COL24A1: variants seen among roughly 807,000 people sequenced by gnomAD.
COL24A1 encodes the protein collagen alpha-1(XXIV) chain.
In COL24A1, 224 loss-of-function variants were observed where a neutral mutation model predicts 253.9. The observed-to-expected ratio is 0.88, with a 90% CI of 0.79 to 0.99. The LOEUF (loss-of-function observed/expected upper bound fraction) is 0.99, where lower values mean the gene tolerates loss of function less well. Ranked by LOEUF, COL24A1 falls within the 50% of genes least tolerant of loss-of-function variation. The pLI, the probability that COL24A1 is intolerant of heterozygous loss-of-function variation, is 0.00. For missense variants in COL24A1, 2,131 were observed against 2,068.5 expected (o/e 1.03, Z -0.59); for synonymous variants, 685 against 673.7 (o/e 1.02, Z -0.26).
intron 59 of COL24A1, among the ~76,000 whole-genome samples, chr1:85,734,470 T>C (rs1340815037): frequency 1.3e-5 from 2 of 152,234 alleles, no homozygotes; most frequent in African/African-American, 4.8e-5. Flanking sequence ...CATCCTGGTA[T>C]AATTATTTCA....
intron 3 of COL24A1, among the ~76,000 whole-genome samples, chr1:86,119,622 A>G (rs1355628215): frequency 6.6e-6 from 1 of 152,174 alleles, no homozygotes; most frequent in African/African-American, 2.4e-5. Context: ...TGGGTAGAAG[A>G]CAAAACAAAT....
At chr1:86,088,962 G>A (rs1353216927) in intron 7 of COL24A1, among the ~76,000 whole-genome samples, 5 of 151,798 alleles carry the variant, frequency 3.3e-5, no homozygotes, top group Non-Finnish European at 7.4e-5. Context: ...ACCAGTTTCC[G>A]GGATGATGAT....
At chr1:85,875,385 T>A (rs1681036067) in intron 33 of COL24A1, 55 bp from the exon 34 acceptor site, 2 of 1,411,374 alleles carry the variant, frequency 1.4e-6, no homozygotes, top group African/African-American at 1.4e-5. Flanking sequence ...CATGAGAAGA[T>A]GGTGGTAACA....
At chr1:86,117,111 A>T (rs1045576793) in intron 3 of COL24A1, among the ~76,000 whole-genome samples, 1 of 152,210 alleles carries the variant, frequency 6.6e-6, no homozygotes, top group Admixed American at 6.5e-5. Flanking sequence ...AAAAATGTCT[A>T]GTTTGGTTTA....
intron 53 of COL24A1, among the ~76,000 whole-genome samples, chr1:85,773,753 G>A (rs929482053): frequency 1.5e-4 from 23 of 152,192 alleles, no homozygotes; most frequent in African/African-American, 5.6e-4. Context: ...TTGCTTATCA[G>A]CTTAAGGAGA....
chr1:86,086,324 C>CTGGT (rs1557561588), intron 7 of COL24A1, among the ~76,000 whole-genome samples: 1 of 152,080 alleles, frequency 6.6e-6, no homozygotes, highest in Non-Finnish European at 1.5e-5. Flanking sequence ...GCCCCAAACC[C>CTGGT]AGCTCCAAGT....
chr1:85,987,980 C>A (rs556042227), intron 19 of COL24A1, among the ~76,000 whole-genome samples: 1 of 151,840 alleles, frequency 6.6e-6, no homozygotes, highest in East Asian at 1.9e-4. Flanking sequence ...CTTTCAACAT[C>A]ATATGGGATA....
intron 55 of COL24A1, among the ~76,000 whole-genome samples, chr1:85,755,857 C>G (rs1341539839): frequency 1.3e-5 from 2 of 150,168 alleles, no homozygotes; most frequent in African/African-American, 2.5e-5. Context: ...TGGAATGATA[C>G]CAAGAGCACA....
At chr1:86,061,645 A>G (rs773101963) in intron 8 of COL24A1, among the ~76,000 whole-genome samples, 6 of 152,068 alleles carry the variant, frequency 3.9e-5, no homozygotes, top group Non-Finnish European at 7.4e-5. Context: ...ATAAACAAGT[A>G]AGACTTCAGC....
intron 55 of COL24A1, among the ~76,000 whole-genome samples, chr1:85,759,793 C>T (rs1666652662): frequency 6.6e-6 from 1 of 152,156 alleles, no homozygotes; most frequent in African/African-American, 2.4e-5. Flanking sequence ...CATGTATTTT[C>T]CAAGTGAGAC....
At chr1:86,133,940 T>C (rs1054846631) in intron 2 of COL24A1, among the ~76,000 whole-genome samples, 6 of 151,926 alleles carry the variant, frequency 3.9e-5, no homozygotes, top group South Asian at 2.1e-4. Flanking sequence ...CTCCTCCTTG[T>C]ACCTCTGGTA....
intron 24 of COL24A1, among the ~76,000 whole-genome samples, chr1:85,914,259 G>A (rs1685644913): frequency 2.0e-5 from 3 of 150,484 alleles, no homozygotes; most frequent in Non-Finnish European, 3.0e-5. Flanking sequence ...TTACAGAAAC[G>A]AAGACTATAA....
intron 35 of COL24A1, among the ~76,000 whole-genome samples, chr1:85,871,251 C>T (rs982490052): frequency 5.9e-5 from 9 of 152,080 alleles, no homozygotes; most frequent in Admixed American, 1.3e-4. Context: ...GATTCACAGC[C>T]GAATTCTACC....
At chr1:85,868,458 T>A (rs1360290649) in intron 37 of COL24A1, 61 bp downstream of exon 37, 7 of 1,164,202 alleles carry the variant, frequency 6.0e-6, no homozygotes, top group Admixed American at 3.4e-5. Context: ...GGTTTGTGCA[T>A]GTGTACACAT....
intron 2 of COL24A1, among the ~76,000 whole-genome samples, chr1:86,131,260 T>G (rs947252362): frequency 6.6e-6 from 1 of 152,170 alleles, no homozygotes; most frequent in Non-Finnish European, 1.5e-5. Context: ...TCCAGGTGCA[T>G]AGTATGATCA....
chr1:86,140,277 C>T (rs1323209316), intron 2 of COL24A1, among the ~76,000 whole-genome samples: 2 of 152,318 alleles, frequency 1.3e-5, no homozygotes, highest in African/African-American at 2.4e-5. Flanking sequence ...CTGGGCTTAA[C>T]TCTAAGATGC....
In COL24A1 at chr1:86,156,667, G is replaced by GTAAA. The variant is rs1653669607; in HGVS notation, c.-275_-272dup. ...CTCCCCGGGGAGGGCGGGCGAGGAGGTAAACCTCACTGGGAGGCCTCGGGG... is the reference window on the plus strand; with the variant it reads ...CTCCCCGGGGAGGGCGGGCGAGGAGGTAAATAAACCTCACTGGGAGGCCTCGGGG... On this transcript the variant is annotated 5_prime_UTR_variant, in exon 1 of 60. Coordinates refer to ENST00000370571, the MANE Select transcript of COL24A1 (RefSeq NM_152890.7). 2 of 323,852 alleles carry GTAAA rather than the reference G, an allele frequency of 6.2e-6. No individual in the cohort carries two copies. Among genetic ancestry groups the GTAAA allele is most frequent in the Non-Finnish European group, 1.1e-5 (2 of 178,524 alleles). 20.1% of individuals were successfully genotyped at this position (323,852 alleles called of 1,614,324 possible).
intron 13 of COL24A1, 64 bp downstream of exon 13, chr1:86,033,806 A>G: frequency 3.0e-6 from 4 of 1,351,194 alleles, no homozygotes; most frequent in Non-Finnish European, 4.1e-6. Flanking sequence ...AAGGACTGTA[A>G]GTGCAGTGCT....
chr1:85,976,193 G>A (rs961228648), intron 20 of COL24A1, among the ~76,000 whole-genome samples: 3 of 152,212 alleles, frequency 2.0e-5, no homozygotes, highest in Non-Finnish European at 2.9e-5. Flanking sequence ...AAGGCAGGGA[G>A]GGGCGAGGCC....
Sources: allele counts gnomAD v4.1 joint callset (sites outside exome capture counted in the v4.1 genomes callset), GRCh38; gene constraint gnomAD v4.1.1; transcripts MANE v1.5; gene names NCBI Gene and HGNC (gene_info 2026-07-23, HGNC 2026-07-21).